Variants in TMEM74 observed in about 807,000 individuals in gnomAD.
The protein encoded by TMEM74 is transmembrane protein 74.
In TMEM74, 13 loss-of-function variants were observed where a neutral mutation model predicts 18.1. That is an observed-to-expected ratio of 0.72 (90% CI 0.47 to 1.14). The LOEUF (loss-of-function observed/expected upper bound fraction) is 1.14, where lower values mean the gene tolerates loss of function less well. TMEM74 is among the 50% of genes most tolerant of loss of function. The pLI is 0.00. For missense variants in TMEM74, 372 were observed against 375.9 expected (o/e 0.99, Z 0.09); for synonymous variants, 159 against 146.6 (o/e 1.08, Z -0.61).
intron 1 of TMEM74, among the ~76,000 whole-genome samples, chr8:108,745,779 G>A (rs1051429102): frequency 1.2e-4 from 18 of 152,160 alleles, no homozygotes; most frequent in African/African-American, 3.9e-4. Flanking sequence ...CAGGCAGACA[G>A]CCCAGCGCCG....
At chr8:108,731,237 C>A (rs952969162) in intron 1 of TMEM74, among the ~76,000 whole-genome samples, 1 of 151,498 alleles carries the variant, frequency 6.6e-6, no homozygotes, top group Non-Finnish European at 1.5e-5. Context: ...CCCCATCCCC[C>A]CCAAAAAAAG....
intron 1 of TMEM74, chr8:108,655,568 T>A (rs1445106335): frequency 6.6e-6 from 1 of 152,160 alleles, no homozygotes; most frequent in Non-Finnish European, 1.5e-5. Context: ...GCAAAAAATT[T>A]TTAATATAGT....
intron 1 of TMEM74, among the ~76,000 whole-genome samples, chr8:108,717,032 C>T (rs1202980426): frequency 6.6e-6 from 1 of 151,880 alleles, no homozygotes; most frequent in African/African-American, 2.4e-5. Context: ...GAAAGTATAG[C>T]TCCAGAACAT....
At chr8:108,617,652 T>C (rs1812398264) in intron 2 of TMEM74, among the ~76,000 whole-genome samples, 1 of 151,928 alleles carries the variant, frequency 6.6e-6, no homozygotes, top group South Asian at 2.1e-4. Context: ...ACAGCTGATC[T>C]AACAGGAAGA....
At chr8:108,765,546 T>A (rs1288018448) in intron 1 of TMEM74, among the ~76,000 whole-genome samples, 1 of 151,782 alleles carries the variant, frequency 6.6e-6, no homozygotes, top group East Asian at 1.9e-4. Flanking sequence ...AGCTTGGGAT[T>A]ACAGGCACGT....
At chr8:108,670,448 A>T (rs573133589) in intron 1 of TMEM74, among the ~76,000 whole-genome samples, 2 of 152,190 alleles carry the variant, frequency 1.3e-5, no homozygotes, top group Non-Finnish European at 2.9e-5. Flanking sequence ...CATCGATGGA[A>T]TTTTGATACT....
intron 2 of TMEM74, among the ~76,000 whole-genome samples, chr8:108,636,570 T>TG (rs1563737373): frequency 6.6e-6 from 1 of 152,032 alleles, no homozygotes; most frequent in African/African-American, 2.4e-5. Context: ...CCCAAAGATC[T>TG]AAAAACTAAG....
intron 1 of TMEM74, among the ~76,000 whole-genome samples, chr8:108,755,669 T>C (rs1813952467): frequency 6.6e-6 from 1 of 152,076 alleles, no homozygotes; most frequent in African/African-American, 2.4e-5. Context: ...TTTAATGATG[T>C]TTAAGAAATG....
intron 2 of TMEM74, among the ~76,000 whole-genome samples, chr8:108,633,185 C>A (rs1812573564): frequency 6.6e-6 from 1 of 151,860 alleles, no homozygotes; most frequent in Non-Finnish European, 1.5e-5. Context: ...GACTTTTTCC[C>A]CCACCATTTT....
At chr8:108,663,141 C>T (rs1812917019) in intron 1 of TMEM74, among the ~76,000 whole-genome samples, 1 of 152,092 alleles carries the variant, frequency 6.6e-6, no homozygotes, top group Non-Finnish European at 1.5e-5. Flanking sequence ...AAACTGTCAT[C>T]AGAGTGAACA....
intron 1 of TMEM74, among the ~76,000 whole-genome samples, chr8:108,753,440 G>C (rs1156520661): frequency 1.3e-5 from 2 of 152,014 alleles, no homozygotes; most frequent in Admixed American, 6.6e-5. Flanking sequence ...TTGCCATGCT[G>C]TTTTAAATGT....
chr8:108,731,343 A>C lies in TMEM74; in HGVS notation n.119+56133T>G, dbSNP rs181245683. ...AAATGTACAATCTTATAATCAATAGAATACATGTTCTCAATACTTGGAAAC... is the reference window on the plus strand; with the variant it reads ...AAATGTACAATCTTATAATCAATAGCATACATGTTCTCAATACTTGGAAAC... On this transcript the variant is annotated intron_variant and non_coding_transcript_variant, in intron 1 of 3. Coordinates refer to the TMEM74 transcript ENST00000518838. Among the ~76,000 whole-genome samples the C allele has an allele frequency of 3.1e-3, 479 of 152,248 alleles. 4 individuals are homozygous for C. The highest frequency in any genetic ancestry group is 5.2e-3 in the Non-Finnish European group (356 of 68,020).
At chr8:108,771,975 A>G (rs1814178258) in intron 1 of TMEM74, among the ~76,000 whole-genome samples, 1 of 152,166 alleles carries the variant, frequency 6.6e-6, no homozygotes, top group Non-Finnish European at 1.5e-5. Context: ...CTTTAAAAAA[A>G]AGAAACATAA....
At chr8:108,770,062 A>C (rs1034557321) in intron 1 of TMEM74, among the ~76,000 whole-genome samples, 1 of 151,702 alleles carries the variant, frequency 6.6e-6, no homozygotes, top group African/African-American at 2.4e-5. Context: ...ATTTTTCATT[A>C]CTTACTTAGT....
At chr8:108,744,099 ACTGTTATC>A (rs1813826421) in intron 1 of TMEM74, among the ~76,000 whole-genome samples, 1 of 152,120 alleles carries the variant, frequency 6.6e-6, no homozygotes, top group Non-Finnish European at 1.5e-5. Context: ...TTATGATTTT[ACTGTTATC>A]CTATATTCAG....
chr8:108,609,308 A>G (rs1563731334), intron 2 of TMEM74, among the ~76,000 whole-genome samples: 1 of 149,920 alleles, frequency 6.7e-6, no homozygotes, highest in South Asian at 2.1e-4. Context: ...CCTGAGTCCA[A>G]CTGTTTACCT....
intron 2 of TMEM74, among the ~76,000 whole-genome samples, chr8:108,611,041 C>T (rs1812329130): frequency 6.6e-6 from 1 of 152,168 alleles, no homozygotes; most frequent in African/African-American, 2.4e-5. Flanking sequence ...TCAAAATATA[C>T]TACATTCTAT....
At chr8:108,645,802 C>T (rs545794468) in intron 2 of TMEM74, among the ~76,000 whole-genome samples, 2 of 152,058 alleles carry the variant, frequency 1.3e-5, no homozygotes, top group Non-Finnish European at 2.9e-5. Context: ...ATTAATTTAT[C>T]CCCATCCCCA....
chr8:108,663,051 T>C (rs1812915847), intron 1 of TMEM74, among the ~76,000 whole-genome samples: 1 of 152,012 alleles, frequency 6.6e-6, no homozygotes, highest in Non-Finnish European at 1.5e-5. Context: ...AATAGGGTTT[T>C]CTGCCGAAAG....
Sources: gnomAD v4.1 joint callset for allele counts (sites outside exome capture counted in the v4.1 genomes callset) on GRCh38, gnomAD v4.1.1 for gene constraint, MANE v1.5 for transcripts, NCBI Gene and HGNC (gene_info 2026-07-23, HGNC 2026-07-21) for gene names.